The following WIZ variants were observed in gnomAD, a reference collection of about 807,000 sequenced individuals.
WIZ encodes the protein protein Wiz.
WIZ carries 25 observed loss-of-function variants against 140.2 expected under a neutral mutation model. That is an observed-to-expected ratio of 0.18 (90% CI 0.13 to 0.25). The LOEUF is 0.25. WIZ is among the 10% of genes least tolerant of loss of function. The probability of loss-of-function intolerance (pLI) is 1.00; values close to 1 mark genes in which losing one functional copy is unlikely to be tolerated. For missense variants in WIZ, 2,231 were observed against 2,632.6 expected, an observed-to-expected ratio of 0.85 and a Z score of 3.34; for synonymous variants, 1,125 against 1,154.3, an observed-to-expected ratio of 0.97 and a Z score of 0.51.
chr19:15,427,606 T>C lies in WIZ; in HGVS notation c.3815-73A>G, dbSNP rs1968927180. 6.6e-7 allele frequency: 1 copy of C among 1,504,482 alleles called. No homozygotes were observed. Among genetic ancestry groups the C allele is most frequent in the East Asian group, 2.4e-5 (1 of 42,414 alleles). 93.2% of individuals were successfully genotyped at this position (1,504,482 alleles called of 1,614,324 possible). A position where few individuals can be genotyped will look rare whatever the true frequency, so the allele number is the denominator to read the frequency against. ...ATGGTCACCTGCAGGAGTGTCCTGG[T>C]CGGCTGGGCGTGGGCGGCAGCAGCA... On this transcript the variant is annotated intron_variant, in intron 8 of 12. Coordinates refer to ENST00000673675, the MANE Select transcript of WIZ (RefSeq NM_001371589.1). This position sits in a 1 kb window ranked among gnomAD's most constrained non-coding sequence, Gnocchi z 6.4.
At position 15,427,348 on chromosome 19, in the gene WIZ, G is replaced by A. The variant is rs370832274; in HGVS notation, c.4000C>T (p.Pro1334Ser). The change falls in exon 9 of 13, where the codon CCT (proline) becomes TCT (serine). Residue 1334 changes from proline (P) to serine (S), a missense_variant. Pro to Ser is a moderately conservative substitution (Grantham distance 74). Transcript: ENST00000673675. The surrounding 1 kb of genome is among the most constrained non-coding windows in gnomAD (Gnocchi z 6.4). ...EILKRRTQSR[P>S]GGPPNPPGPS... is the part of the protein sequence containing the mutation. ...CCTGGTGGGTTGGGAGGTCCACCAG[G>A]CCGAGACTGGGTCCGTCTCTTCAGG... 5.6e-6 allele frequency: 9 copies of A among 1,613,562 alleles called. No homozygotes were observed. The African/African-American group carries it at 9.3e-5, about 17-fold the overall frequency.
chr19:15,431,195 G>C lies in WIZ; in HGVS notation c.2741-13C>G, dbSNP rs1212816829. 1 of 1,507,706 alleles carries C rather than the reference G, an allele frequency of 6.6e-7. No individual in the cohort carries two copies. Among genetic ancestry groups the C allele is most frequent in the South Asian group, 1.2e-5 (1 of 81,200 alleles). The allele number at this position is 1,507,706 out of a possible 1,614,324, so 93.4% of individuals were successfully genotyped here. A position where few individuals can be genotyped will look rare whatever the true frequency, so the allele number is the denominator to read the frequency against. Reference sequence around the variant, plus strand: ...TCAGAACCCAGGCCTGTGGGTTGGGGAGACAGGCTCAGCCCAGACAAATTT... The same window carrying C: ...TCAGAACCCAGGCCTGTGGGTTGGGCAGACAGGCTCAGCCCAGACAAATTT... On this transcript the variant is annotated splice_polypyrimidine_tract_variant and intron_variant, in intron 5 of 12. Coordinates refer to ENST00000673675, the MANE Select transcript of WIZ (RefSeq NM_001371589.1).
At chr19:15,441,143 C>T (rs1969730659) in intron 3 of WIZ, among the ~76,000 whole-genome samples, 1 of 152,198 alleles carries the variant, frequency 6.6e-6, no homozygotes, top group African/African-American at 2.4e-5. Flanking sequence ...TTAGTTTCAC[C>T]TCTCCCCCAG....
chr19:15,440,685 C>T lies in WIZ; in HGVS notation c.309G>A (p.Arg103=), dbSNP rs1969710906. ...CCWDGGSLDF[R]PGSPPPHLLG... ...GGAGATGGGGTGGTGGGGAGCCCGG[C>T]CGGAAGTCCAGGCTGCCTCCATCCC... The change falls in exon 4 of 13, where the codon CGG becomes CGA. Residue 103 remains arginine, a synonymous_variant. Transcript: ENST00000673675. The surrounding 1 kb of genome is among the most constrained non-coding windows in gnomAD (Gnocchi z 6.2). 1.3e-6 allele frequency: 2 copies of T among 1,509,882 alleles called. No individual in the cohort carries two copies. Among genetic ancestry groups the T allele is most frequent in the African/African-American group, 1.4e-5 (1 of 72,290 alleles). 93.5% of individuals were successfully genotyped at this position (1,509,882 alleles called of 1,614,324 possible).
chr19:15,422,979 T>G lies in WIZ; in HGVS notation c.*97A>C. 6.6e-7 allele frequency: 1 copy of G among 1,519,380 alleles called. No individual in the cohort carries two copies. Among genetic ancestry groups the G allele is most frequent in the Non-Finnish European group, 8.8e-7 (1 of 1,134,834 alleles). The allele number at this position is 1,519,380 out of a possible 1,614,324, so 94.1% of individuals were successfully genotyped here. A position where few individuals can be genotyped will look rare whatever the true frequency, so the allele number is the denominator to read the frequency against. The stretch of plus-strand genomic sequence containing the variant: ...CCGGTTTGAGGTTTTGGCTTGCTCC[T>G]TTGGAAACGGAAAGAAAGAGGAAGA... On this transcript the variant is annotated 3_prime_UTR_variant, in exon 13 of 13. Coordinates refer to ENST00000673675, the MANE Select transcript of WIZ (RefSeq NM_001371589.1).
intron 6 of WIZ, 78 bp from the exon 7 acceptor site, chr19:15,430,167 G>C: frequency 7.0e-7 from 1 of 1,436,596 alleles, no homozygotes; most frequent in Non-Finnish European, 9.1e-7. Flanking sequence ...TCCCCTGAGA[G>C]TCCCACTCAC....
At chr19:15,448,800 A>T (rs1191264121) in intron 1 of WIZ, among the ~76,000 whole-genome samples, 1 of 151,750 alleles carries the variant, frequency 6.6e-6, no homozygotes, top group Admixed American at 6.6e-5. Flanking sequence ...CCACTTGTAC[A>T]CTCTGATCCT....
At position 15,427,503 on chromosome 19, in the gene WIZ, C is replaced by T. The variant is rs751188789; in HGVS notation, c.3845G>A (p.Arg1282His). The T allele has an allele frequency of 4.5e-5, 72 of 1,610,660 alleles. No homozygotes were observed. The highest frequency in any genetic ancestry group is 1.7e-4 in the Middle Eastern group (1 of 6,052). ...GAAGAACTCACCACAGAACTCGCAG[C>T]GGATGTCTCGTGCTGGCTCTGGGCC... is the stretch of plus-strand genomic sequence containing the variant. Reference protein sequence around the residue: ...SSGPEPARDIRCEFCGEFFEN... With the variant: ...SSGPEPARDIHCEFCGEFFEN... Residue 1282 changes from arginine (R) to histidine (H), a missense_variant, in exon 9 of 13, where the codon CGC (arginine) becomes CAC (histidine). Around this residue, in one of 15 missense-constraint regions of WIZ, gnomAD observed 141 missense variants for 161.2 expected, o/e 0.87. Transcript: ENST00000673675. The surrounding 1 kb of genome is among the most constrained non-coding windows in gnomAD (Gnocchi z 6.4).
At position 15,438,789 on chromosome 19, in the gene WIZ, G is replaced by A; in HGVS notation, c.2205C>T (p.Leu735=). ...GTGCCATGGCCGGATCCCCATCCAG[G>A]AGTGTGTCCAGCCCCAGCGGGCCGC... ...PLGGPLGLDT[L]LDGDPAMALK... The change falls in exon 4 of 13, where the codon CTC becomes CTT. Residue 735 remains leucine (L), a synonymous_variant. Coordinates refer to ENST00000673675, the MANE Select transcript of WIZ (RefSeq NM_001371589.1). 2.0e-6 allele frequency: 3 copies of A among 1,529,908 alleles called. No homozygotes were observed. Among genetic ancestry groups the A allele is most frequent in the Non-Finnish European group, 2.6e-6 (3 of 1,141,846 alleles). 94.8% of individuals were successfully genotyped at this position (1,529,908 alleles called of 1,614,324 possible).
rs1968349312 is a variant in WIZ, at chr19:15,421,042, G to C, written c.*2034C>G. On this transcript the variant is annotated 3_prime_UTR_variant, in exon 13 of 13. Coordinates refer to ENST00000673675, the MANE Select transcript of WIZ (RefSeq NM_001371589.1). The stretch of plus-strand genomic sequence containing the variant: ...GAGGCAGGAGAATCACTTGAACCCA[G>C]GAGGCAGAGACTGCAGCGAGCCGAG... The C allele has an allele frequency of 6.6e-6, 1 of 152,230 alleles. No individual in the cohort carries two copies. The highest frequency in any genetic ancestry group is 1.5e-5 in the Non-Finnish European group (1 of 68,050). The allele number at this position is 152,230 out of a possible 1,614,324, so 9.4% of individuals were successfully genotyped here.
chr19:15,428,697 G>T lies in WIZ; in HGVS notation c.3416-189C>A, dbSNP rs1291808240. 6.6e-6 allele frequency among the ~76,000 whole-genome samples: 1 copy of T among 152,176 alleles called. No individual in the cohort carries two copies. The highest frequency in any genetic ancestry group is 2.4e-5 in the African/African-American group (1 of 41,450). On this transcript the variant is annotated intron_variant, in intron 7 of 12. Coordinates refer to ENST00000673675, the MANE Select transcript of WIZ (RefSeq NM_001371589.1). The surrounding 1 kb of genome is among the most constrained non-coding windows in gnomAD (Gnocchi z 6.4). ...TTCCTGCCTAGCCCTTTGGCATCGA[G>T]GGGAGTGTAGAGAGCTTAAGGACTT...
rs2077341207 is a variant in WIZ at position 15,428,627 on chromosome 19, C to G, written c.3416-119G>C. ...TCAGGCAGTTGGGGGGTCCAAGACT[C>G]AGGCCGCAGATTTCTTTTGAAGTTT... On this transcript the variant is annotated intron_variant, in intron 7 of 12. Transcript: ENST00000673675. This position sits in a 1 kb window ranked among gnomAD's most constrained non-coding sequence, Gnocchi z 6.4. 8.0e-7 allele frequency: 1 copy of G among 1,247,114 alleles called. No homozygotes were observed. Among genetic ancestry groups the G allele is most frequent in the Admixed American group, 2.3e-5 (1 of 42,846 alleles). 77.3% of individuals were successfully genotyped at this position (1,247,114 alleles called of 1,614,324 possible). A position where few individuals can be genotyped will look rare whatever the true frequency, so the allele number is the denominator to read the frequency against.
Position 15,428,156 on chromosome 19 carries a change from G to C in WIZ, c.3768C>G (p.Ala1256=). Reference sequence around the variant, plus strand: ...CCACATCAGAGGCCCAGAAAATGCCGGCGGCTGCGGCGGCCGAGAGGTCCT... The same window carrying C: ...CCACATCAGAGGCCCAGAAAATGCCCGCGGCTGCGGCGGCCGAGAGGTCCT... ...GKQDLSAAAA[A]GIFWASDVEP... The change falls in exon 8 of 13, where the codon GCC becomes GCG. Residue 1256 remains alanine (A), a synonymous_variant. Coordinates refer to ENST00000673675, the MANE Select transcript of WIZ (RefSeq NM_001371589.1). This position sits in a 1 kb window ranked among gnomAD's most constrained non-coding sequence, Gnocchi z 6.4. 6.5e-7 allele frequency: 1 copy of C among 1,534,468 alleles called. No individual in the cohort carries two copies. Among genetic ancestry groups the C allele is most frequent in the Non-Finnish European group, 8.7e-7 (1 of 1,146,756 alleles).
In WIZ at chr19:15,442,907, A is replaced by G. The variant is rs1969793910; in HGVS notation, c.206-159T>C. 6.6e-6 allele frequency among the ~76,000 whole-genome samples: 1 copy of G among 151,854 alleles called. No homozygotes were observed. The highest frequency in any genetic ancestry group is 6.5e-5 in the Admixed American group (1 of 15,280). ...GTGGCCTCTGTGGTCCTGAGCCCTG[A>G]AAGGGGTTTCTTTGGAAGAGTCCCC... On this transcript the variant is annotated intron_variant, in intron 2 of 12. Transcript: ENST00000673675. The surrounding 1 kb of genome is among the most constrained non-coding windows in gnomAD (Gnocchi z 5.5).
Position 15,439,905 on chromosome 19 carries a change from G to T in WIZ, c.1089C>A (p.Asp363Glu), listed in dbSNP as rs916790465. 1 of 1,528,220 alleles carries T rather than the reference G, an allele frequency of 6.5e-7. No individual in the cohort carries two copies. Among genetic ancestry groups the T allele is most frequent in the Non-Finnish European group, 8.8e-7 (1 of 1,142,462 alleles). The allele number at this position is 1,528,220 out of a possible 1,614,324, so 94.7% of individuals were successfully genotyped here. A position where few individuals can be genotyped will look rare whatever the true frequency, so the allele number is the denominator to read the frequency against. ...GCCGGTGCTGCTCCAGGGCAGTGGG[G>T]TCAGCAAAGGCCCAGCCACACTCCC... ...ACGECGWAFA[D>E]PTALEQHRQL... Residue 363 changes from aspartate to glutamate, a missense_variant, in exon 4 of 13, where the codon GAC becomes GAA. This residue lies in a region of WIZ where 475 missense variants were observed against 520.2 expected (regional missense o/e 0.91). Coordinates refer to ENST00000673675, the MANE Select transcript of WIZ (RefSeq NM_001371589.1). The surrounding 1 kb of genome is among the most constrained non-coding windows in gnomAD (Gnocchi z 7.0).
rs982560124 is a variant in WIZ at position 15,427,685 on chromosome 19, G to A, written c.3815-152C>T. On this transcript the variant is annotated intron_variant, in intron 8 of 12. Transcript: ENST00000673675. This position sits in a 1 kb window ranked among gnomAD's most constrained non-coding sequence, Gnocchi z 6.4. ...GTGCAGGTAAGGGAGTGGAGGAGCG[G>A]GGCTGGGGGCCAGATACCCGGCAGG... is the stretch of plus-strand genomic sequence containing the variant. 2 of 876,086 alleles carry A rather than the reference G, an allele frequency of 2.3e-6. No homozygotes were observed. Among genetic ancestry groups the A allele is most frequent in the Non-Finnish European group, 3.4e-6 (2 of 588,270 alleles). 54.3% of individuals were successfully genotyped at this position (876,086 alleles called of 1,614,324 possible). A position where few individuals can be genotyped will look rare whatever the true frequency, so the allele number is the denominator to read the frequency against.
intron 5 of WIZ, among the ~76,000 whole-genome samples, chr19:15,434,972 T>G (rs1193782367): frequency 6.6e-6 from 1 of 152,184 alleles, no homozygotes; most frequent in Non-Finnish European, 1.5e-5. Flanking sequence ...CTCACACCTG[T>G]AATCCCAGCA....
Position 15,424,777 on chromosome 19 carries a change from G to A in WIZ, c.5150C>T (p.Pro1717Leu), listed in dbSNP as rs199669830. 9.0e-4 allele frequency: 1,422 copies of A among 1,588,018 alleles called. 1 individual carries two copies. Among genetic ancestry groups the A allele is most frequent in the Non-Finnish European group, 1.1e-3 (1,324 of 1,168,888 alleles). ...AGHGRDSDKR[P>L]SLGLAPGGLA... ...GCCCCCGGGTGCCAGCCCCAGGGAC[G>A]GCCGCTTGTCACTGTCACGGCCATG... The change falls in exon 11 of 13, where the codon CCG (proline) becomes CTG (leucine). Residue 1717 changes from proline (P) to leucine (L), a missense_variant. Pro to Leu is a moderately conservative substitution (Grantham distance 98). This residue lies in a region of WIZ where 299 missense variants were observed against 309.6 expected (regional missense o/e 0.97). Transcript: ENST00000673675. This position sits in a 1 kb window ranked among gnomAD's most constrained non-coding sequence, Gnocchi z 9.7.
intron 1 of WIZ, 172 bp downstream of exon 1, chr19:15,449,626 C>A (rs1301004456): frequency 1.3e-5 from 2 of 150,074 alleles, no homozygotes; most frequent in African/African-American, 4.9e-5. Flanking sequence ...CCAAGACCCC[C>A]GCCCCTCCCC....
Sources: gnomAD v4.1 joint callset for allele counts (sites outside exome capture counted in the v4.1 genomes callset) on GRCh38, gnomAD v4.1.1 for gene constraint, gnomAD v4.1.1 regional missense constraint, Gnocchi (gnomAD v3.1) non-coding constraint, MANE v1.5 for transcripts, NCBI Gene and HGNC (gene_info 2026-07-23, HGNC 2026-07-21) for gene names.